Variants in SCUBE1 observed in about 807,000 individuals in gnomAD.
SCUBE1 encodes signal peptide, CUB domain and EGF like domain containing 1.
In SCUBE1, 59 loss-of-function variants were observed where a neutral mutation model predicts 124.4. The observed-to-expected ratio is 0.47, with a 90% CI of 0.38 to 0.59. The LOEUF (loss-of-function observed/expected upper bound fraction) is 0.59. Ranked by LOEUF, SCUBE1 falls within the 20% of genes least tolerant of loss-of-function variation. The pLI, the probability that SCUBE1 is intolerant of heterozygous loss-of-function variation, is 0.00. For synonymous variants in SCUBE1, 545 were observed against 550.9 expected, an observed-to-expected ratio of 0.99 and a Z score of 0.15; for missense variants, 1,150 against 1,371.2, an observed-to-expected ratio of 0.84 and a Z score of 2.55.
chr22:43,247,261 C>T (rs902021603), intron 6 of SCUBE1, among the ~76,000 whole-genome samples: 3 of 152,210 alleles, frequency 2.0e-5, no homozygotes, highest in Non-Finnish European at 4.4e-5. Context: ...AGCTAAGCTT[C>T]TCCAGAGACT....
chr22:43,309,668 AGACG>A (rs1300768973), intron 3 of SCUBE1, among the ~76,000 whole-genome samples: 1 of 151,686 alleles, frequency 6.6e-6, no homozygotes, highest in Non-Finnish European at 1.5e-5. Flanking sequence ...AACAGAACTC[AGACG>A]AACAGACACC....
intron 10 of SCUBE1, among the ~76,000 whole-genome samples, chr22:43,224,232 C>T (rs1455438812): frequency 6.6e-6 from 1 of 152,226 alleles, no homozygotes; most frequent in African/African-American, 2.4e-5. Flanking sequence ...TTTGTCTGTC[C>T]TGCTGATTGC....
At chr22:43,284,779 G>A (rs1307929787) in intron 4 of SCUBE1, among the ~76,000 whole-genome samples, 7 of 152,038 alleles carry the variant, frequency 4.6e-5, no homozygotes, top group African/African-American at 1.7e-4. Context: ...CGTCGTCGTC[G>A]TCATCATCAT....
intron 2 of SCUBE1, among the ~76,000 whole-genome samples, chr22:43,331,784 G>C: frequency 6.6e-6 from 1 of 152,188 alleles, no homozygotes; most frequent in East Asian, 1.9e-4. Context: ...GCACAAACAG[G>C]CCTGGTTAAT....
chr22:43,300,296 C>CTT (rs58777690), intron 3 of SCUBE1, among the ~76,000 whole-genome samples: 225 of 147,686 alleles, frequency 1.5e-3, no homozygotes, highest in East Asian at 3.8e-3. Flanking sequence ...CCTTTCTGGG[C>CTT]TTTTTTTTTT....
rs1921701230 is a variant in SCUBE1 at position 43,214,110 on chromosome 22, CG to C, written c.2032del (p.Arg678AlafsTer180). The C allele has an allele frequency of 7.3e-7, 1 of 1,363,154 alleles. No homozygotes were observed. The highest frequency in any genetic ancestry group is 1.5e-5 in the African/African-American group (1 of 65,160). 84.4% of individuals were successfully genotyped at this position (1,363,154 alleles called of 1,614,324 possible). On this transcript the variant is annotated frameshift_variant, in exon 16 of 22. Coordinates refer to ENST00000360835, the MANE Select transcript of SCUBE1 (RefSeq NM_173050.5). LOFTEE classifies it high-confidence loss of function. ...CTTGCCTCCACATTCCGACACGTTGCGGGCACCAGGCAGACCAAGCCCGTCG... is the reference window on the plus strand; with the variant it reads ...CTTGCCTCCACATTCCGACACGTTGCGGCACCAGGCAGACCAAGCCCGTCG... ...SSDGLGLPGARNVSECGGQCS... is the reference protein window; with the variant it reads ...SSDGLGLPGAXNVSECGGQCS...
chr22:43,278,294 CAT>C (rs1352993818), intron 4 of SCUBE1, among the ~76,000 whole-genome samples: 2 of 152,256 alleles, frequency 1.3e-5, no homozygotes, highest in Admixed American at 1.3e-4. Context: ...TGCAACCCCA[CAT>C]GTCCTGCCTG....
intron 3 of SCUBE1, among the ~76,000 whole-genome samples, chr22:43,298,507 G>C (rs769808319): frequency 1.3e-5 from 2 of 152,354 alleles, no homozygotes; most frequent in African/African-American, 4.8e-5. Flanking sequence ...AGCCAGCCCA[G>C]GGAAGGCAGA....
chr22:43,253,642 C>T (rs1923543371), intron 6 of SCUBE1, among the ~76,000 whole-genome samples: 1 of 148,530 alleles, frequency 6.7e-6, no homozygotes, highest in African/African-American at 2.6e-5. Context: ...CACCTCCTGA[C>T]CCCACTCCGG....
chr22:43,295,316 C>T (rs1164529324), intron 3 of SCUBE1, among the ~76,000 whole-genome samples: 5 of 152,252 alleles, frequency 3.3e-5, no homozygotes, highest in Non-Finnish European at 7.3e-5. Flanking sequence ...CTACTTCCTT[C>T]CTCTGCCCTG....
In SCUBE1 at chr22:43,288,519, C is replaced by T. The variant is rs548652373; in HGVS notation, c.484+2527G>A. ...GGCTCCTCCCGCTTCGTGCTCTCTG[C>T]TCCTTCGTCCCACCCTTTGTTCAGC... On this transcript the variant is annotated intron_variant, in intron 4 of 21. Coordinates refer to ENST00000360835, the MANE Select transcript of SCUBE1 (RefSeq NM_173050.5). Among the ~76,000 whole-genome samples the T allele has an allele frequency of 1.2e-4, 19 of 152,362 alleles. No individual in the cohort carries two copies. In the South Asian group the frequency reaches 3.7e-3, roughly 30 times the overall value.
Position 43,210,294 on chromosome 22 carries a change from G to A in SCUBE1, c.2384-54C>T. 2.8e-6 allele frequency: 4 copies of A among 1,435,118 alleles called. No homozygotes were observed. The South Asian group carries it at 5.7e-5, about 21-fold the overall frequency. 88.9% of individuals were successfully genotyped at this position (1,435,118 alleles called of 1,614,324 possible). ...TCAGGCTCTGCTGGGCAGGGGCCCT[G>A]GCCGGCCAGGCCTCTAACCACCTGG... On this transcript the variant is annotated intron_variant, in intron 18 of 21. Coordinates refer to ENST00000360835, the MANE Select transcript of SCUBE1 (RefSeq NM_173050.5). The surrounding 1 kb of genome is among the most constrained non-coding windows in gnomAD (Gnocchi z 4.5).
At chr22:43,319,314 C>T (rs1451104317) in intron 3 of SCUBE1, among the ~76,000 whole-genome samples, 1 of 152,064 alleles carries the variant, frequency 6.6e-6, no homozygotes, top group South Asian at 2.1e-4. Flanking sequence ...CGCCTGTTAT[C>T]CCAGCACTTT....
intron 8 of SCUBE1, among the ~76,000 whole-genome samples, chr22:43,230,227 AG>A (rs1259680572): frequency 1.3e-5 from 2 of 152,040 alleles, no homozygotes; most frequent in Non-Finnish European, 2.9e-5. Context: ...TGGGGTGCCC[AG>A]GGGATGCACC....
chr22:43,207,408 T>C, intron 21 of SCUBE1, 126 bp downstream of exon 21: 1 of 731,940 alleles, frequency 1.4e-6, no homozygotes, highest in Non-Finnish European at 2.4e-6. Flanking sequence ...AGCCTCCTGC[T>C]CCTCTCCCAT....
chr22:43,266,740 C>G lies in SCUBE1; in HGVS notation c.485-3895G>C, dbSNP rs571711355. 2.3e-4 allele frequency among the ~76,000 whole-genome samples: 35 copies of G among 152,274 alleles called. No individual in the cohort carries two copies. The East Asian group carries it at 6.6e-3, about 29-fold the overall frequency. ...TCCTGGGGGGAACCGATTTGGGAAC[C>G]TGGTGCAGAGTGGGCGACTACACGG... On this transcript the variant is annotated intron_variant, in intron 4 of 21. Coordinates refer to ENST00000360835, the MANE Select transcript of SCUBE1 (RefSeq NM_173050.5).
intron 1 of SCUBE1, 63 bp from the exon 2 acceptor site, chr22:43,339,298 G>A: frequency 6.5e-7 from 1 of 1,538,796 alleles, no homozygotes; most frequent in Non-Finnish European, 8.9e-7. Flanking sequence ...GTGGCCGATA[G>A]TGTAGGGCAG....
At chr22:43,288,552 G>A (rs1056101085) in intron 4 of SCUBE1, among the ~76,000 whole-genome samples, 4 of 152,050 alleles carry the variant, frequency 2.6e-5, no homozygotes, top group South Asian at 2.1e-4. Flanking sequence ...AGCTTTTCAC[G>A]TGCCCATTCC....
chr22:43,305,702 C>T (rs1925943420), intron 3 of SCUBE1, among the ~76,000 whole-genome samples: 2 of 152,178 alleles, frequency 1.3e-5, no homozygotes, highest in African/African-American at 4.8e-5. Context: ...CTCGGCAGGG[C>T]CTCCACCACG....
Sources: allele counts gnomAD v4.1 joint callset (sites outside exome capture counted in the v4.1 genomes callset), GRCh38; gene constraint gnomAD v4.1.1; non-coding constraint Gnocchi (gnomAD v3.1); transcripts MANE v1.5; gene names NCBI Gene and HGNC (gene_info 2026-07-23, HGNC 2026-07-21).